Variants in LRBA observed in about 807,000 individuals in gnomAD.
LRBA encodes the protein LPS responsive beige-like anchor protein, also known as lipopolysaccharide-responsive and beige-like anchor protein.
Under a neutral mutation model 330.0 loss-of-function variants are expected in LRBA, and 176 were observed. The ratio of observed to expected loss-of-function variants is 0.53; its 90% CI spans 0.47 to 0.60. The LOEUF (loss-of-function observed/expected upper bound fraction) is 0.60. LRBA is among the 20% of genes least tolerant of loss of function. The pLI, the probability that LRBA is intolerant of heterozygous loss-of-function variation, is 0.00. For synonymous variants in LRBA, 1,230 were observed against 1,193.0 expected, an observed-to-expected ratio of 1.03 and a Z score of -0.64; for missense variants, 3,259 against 3,444.8, an observed-to-expected ratio of 0.95 and a Z score of 1.35.
At chr4:150,592,809 T>G (rs1376554666) in intron 38 of LRBA, among the ~76,000 whole-genome samples, 2 of 152,022 alleles carry the variant, frequency 1.3e-5, no homozygotes, top group Non-Finnish European at 2.9e-5. Context: ...TTAATTTAAC[T>G]TTTTGTAGAG....
intron 2 of LRBA, among the ~76,000 whole-genome samples, chr4:150,955,977 A>G (rs2149555051): frequency 6.7e-6 from 1 of 149,312 alleles, no homozygotes. Flanking sequence ...AAGGAATAAA[A>G]TAATAAAGAT....
intron 44 of LRBA, among the ~76,000 whole-genome samples, chr4:150,441,031 G>A (rs1751762073): frequency 1.3e-5 from 2 of 151,930 alleles, no homozygotes; most frequent in South Asian, 2.1e-4. Flanking sequence ...AACATTTTTT[G>A]TTACGTTCTT....
At chr4:150,933,287 C>A (rs1460810023) in intron 2 of LRBA, among the ~76,000 whole-genome samples, 1 of 150,676 alleles carries the variant, frequency 6.6e-6, no homozygotes, top group Non-Finnish European at 1.5e-5. Context: ...ACTTGGGAGG[C>A]TGAGGCACAA....
chr4:150,295,108 A>AC (rs1728807938), intron 53 of LRBA, among the ~76,000 whole-genome samples: 1 of 152,042 alleles, frequency 6.6e-6, no homozygotes, highest in Non-Finnish European at 1.5e-5. Context: ...TTCTGATACA[A>AC]CTACTAATAT....
intron 22 of LRBA, 42 bp downstream of exon 22, chr4:150,867,629 G>T: frequency 6.8e-7 from 1 of 1,462,390 alleles, no homozygotes; most frequent in Non-Finnish European, 9.1e-7. Context: ...AAAAATTATA[G>T]ATATTTAAAA....
At chr4:150,967,450 C>T (rs562256348) in intron 2 of LRBA, among the ~76,000 whole-genome samples, 1 of 152,362 alleles carries the variant, frequency 6.6e-6, no homozygotes, top group South Asian at 2.1e-4. Context: ...TCTAGCCCCA[C>T]TTCTACAAAA....
At position 150,700,171 on chromosome 4, in the gene LRBA, A is replaced by G. The variant is rs140260041; in HGVS notation, c.5755-16454T>C. Among the ~76,000 whole-genome samples, 25 of 152,286 alleles carry G rather than the reference A, an allele frequency of 1.6e-4. No individual in the cohort carries two copies. In the East Asian group the frequency reaches 4.8e-3, roughly 29 times the overall value. The stretch of plus-strand genomic sequence containing the variant: ...GGCATTTTATCTTTCATATTTATTG[A>G]TATTATTTTTATCAAAGGTGAAGAA... On this transcript the variant is annotated intron_variant, in intron 36 of 56. Coordinates refer to ENST00000651943, the MANE Select transcript of LRBA (RefSeq NM_001364905.1).
At chr4:150,763,655 C>T (rs764285788) in intron 34 of LRBA, among the ~76,000 whole-genome samples, 6 of 151,778 alleles carry the variant, frequency 4.0e-5, no homozygotes, top group Non-Finnish European at 5.9e-5. Flanking sequence ...AAGCAGAAAC[C>T]TCAAATTTTT....
chr4:150,586,515 T>G (rs1420835395), intron 40 of LRBA, among the ~76,000 whole-genome samples: 1 of 152,146 alleles, frequency 6.6e-6, no homozygotes, highest in African/African-American at 2.4e-5. Flanking sequence ...ACTGAAAAAT[T>G]GTTTTTAATA....
At chr4:150,946,643 C>T (rs563757481) in intron 2 of LRBA, among the ~76,000 whole-genome samples, 15 of 151,810 alleles carry the variant, frequency 9.9e-5, no homozygotes, top group Non-Finnish European at 1.6e-4. Flanking sequence ...GCACTAAAAC[C>T]AGAAGTCTCA....
chr4:150,826,813 C>A (rs1746348897), intron 30 of LRBA, among the ~76,000 whole-genome samples: 1 of 152,128 alleles, frequency 6.6e-6, no homozygotes, highest in African/African-American at 2.4e-5. Context: ...ACTGTCAACA[C>A]TATGGAAGAG....
chr4:150,542,388 A>G (rs1358745153), intron 40 of LRBA, among the ~76,000 whole-genome samples: 1 of 152,268 alleles, frequency 6.6e-6, no homozygotes, highest in Non-Finnish European at 1.5e-5. Flanking sequence ...TAAAACTTAC[A>G]GCATATCACA....
chr4:150,895,131 T>C (rs560413200), intron 16 of LRBA, among the ~76,000 whole-genome samples: 1 of 151,966 alleles, frequency 6.6e-6, no homozygotes, highest in Non-Finnish European at 1.5e-5. Context: ...AATGCTGTGA[T>C]GTATTATATT....
At position 150,872,710 on chromosome 4, in the gene LRBA, T is replaced by G; in HGVS notation, c.2211A>C (p.Val737=). ...AATAACCCATTGCCTTAAGAGCTTG[T>G]ACCCTGATTCCTTCACTTTTCGATG... ...LLASKSEGIR[V]QALKAMGYFL... Residue 737 remains valine (V), a synonymous_variant, in exon 18 of 57, where the codon GTA becomes GTC. Coordinates refer to ENST00000651943, the MANE Select transcript of LRBA (RefSeq NM_001364905.1). 6.2e-7 allele frequency: 1 copy of G among 1,609,018 alleles called. No individual in the cohort carries two copies. Among genetic ancestry groups the G allele is most frequent in the Non-Finnish European group, 8.5e-7 (1 of 1,177,510 alleles).
At chr4:150,611,353 G>A (rs751040446) in intron 37 of LRBA, among the ~76,000 whole-genome samples, 2 of 152,122 alleles carry the variant, frequency 1.3e-5, no homozygotes, top group Non-Finnish European at 2.9e-5. Flanking sequence ...CAGAAGGTGA[G>A]TGATTCAGTT....
chr4:150,947,588 A>C (rs1203187482), intron 2 of LRBA, among the ~76,000 whole-genome samples: 3 of 152,112 alleles, frequency 2.0e-5, no homozygotes, highest in African/African-American at 4.8e-5. Context: ...TCAATGATAA[A>C]AGACCGAGTA....
intron 56 of LRBA, among the ~76,000 whole-genome samples, chr4:150,266,036 C>A (rs1580834221): frequency 6.6e-6 from 1 of 151,870 alleles, no homozygotes; most frequent in South Asian, 2.1e-4. Flanking sequence ...CTTGCTTTTT[C>A]ATTGAAAGGG....
intron 37 of LRBA, among the ~76,000 whole-genome samples, chr4:150,651,568 T>C (rs529973458): frequency 2.6e-5 from 4 of 152,304 alleles, no homozygotes; most frequent in African/African-American, 9.6e-5. Flanking sequence ...AAATTATTTA[T>C]GTCTAAAAGC....
At chr4:150,474,332 C>T (rs1037078260) in intron 42 of LRBA, among the ~76,000 whole-genome samples, 4 of 152,064 alleles carry the variant, frequency 2.6e-5, no homozygotes, top group African/African-American at 7.2e-5. Context: ...ATTTATATGC[C>T]GATCTTTGTA....
Sources: gnomAD v4.1 joint callset for allele counts (sites outside exome capture counted in the v4.1 genomes callset) on GRCh38, gnomAD v4.1.1 for gene constraint, MANE v1.5 for transcripts, NCBI Gene and HGNC (gene_info 2026-07-23, HGNC 2026-07-21) for gene names.